RNF38: variants seen among roughly 807,000 people sequenced by gnomAD.
RNF38 encodes the protein ring finger protein 38.
A neutral mutation model predicts 67.2 loss-of-function variants in RNF38; 15 were observed. The ratio of observed to expected loss-of-function variants is 0.22; its 90% CI spans 0.15 to 0.34. RNF38 has a LOEUF of 0.34. Among genes scored for constraint, RNF38 ranks in the 10% least tolerant of loss-of-function variants. The probability of loss-of-function intolerance (pLI) is 1.00; values close to 1 mark genes in which losing one functional copy is unlikely to be tolerated. For synonymous variants in RNF38, 220 were observed against 218.8 expected (o/e 1.01, Z -0.05); for missense variants, 524 against 639.9 (o/e 0.82, Z 1.95).
rs189260598 is a variant in RNF38, at chr9:36,468,899, G to T, written n.241+18409C>A. ...GAGGCTGAGGCGGGTGGATCACAAGGTCAGGAGTTCAAGACCAGCCTGACC... is the reference window on the plus strand; with the variant it reads ...GAGGCTGAGGCGGGTGGATCACAAGTTCAGGAGTTCAAGACCAGCCTGACC... On this transcript the variant is annotated intron_variant and non_coding_transcript_variant, in intron 1 of 3. Transcript: ENST00000488058. Among the ~76,000 whole-genome samples, 12 of 151,712 alleles carry T rather than the reference G, an allele frequency of 7.9e-5. No homozygotes were observed. The East Asian group carries it at 1.4e-3, about 17-fold the overall frequency.
intron 7 of RNF38, 22 bp downstream of exon 7, chr9:36,353,148 A>G (rs964334033): frequency 1.2e-6 from 2 of 1,603,848 alleles, no homozygotes; most frequent in Non-Finnish European, 1.7e-6. Context: ...AGTAATTAAC[A>G]TAGTACTCTG....
At chr9:36,415,281 T>C (rs1190764948) in intron 2 of RNF38, among the ~76,000 whole-genome samples, 1 of 152,242 alleles carries the variant, frequency 6.6e-6, no homozygotes, top group Non-Finnish European at 1.5e-5. Context: ...AGCCTTATCT[T>C]TGAGCCCTCA....
intron 3 of RNF38, among the ~76,000 whole-genome samples, chr9:36,374,031 G>A (rs1461819797): frequency 6.6e-6 from 1 of 152,132 alleles, no homozygotes; most frequent in East Asian, 1.9e-4. Flanking sequence ...TCATAAAATA[G>A]GAAGACTACA....
At chr9:36,375,383 G>C (rs184992372) in intron 3 of RNF38, among the ~76,000 whole-genome samples, 2 of 152,052 alleles carry the variant, frequency 1.3e-5, no homozygotes, top group Non-Finnish European at 1.5e-5. Flanking sequence ...AGAGAGACAG[G>C]GTCTTGCTAT....
chr9:36,407,979 T>A (rs151321222), intron 2 of RNF38, among the ~76,000 whole-genome samples: 82 of 152,330 alleles, frequency 5.4e-4, no homozygotes, highest in South Asian at 1.0e-3. Context: ...TACATACATA[T>A]AGTTTGGCAA....
chr9:36,365,947 G>T (rs868449665), intron 4 of RNF38, among the ~76,000 whole-genome samples: 1 of 152,052 alleles, frequency 6.6e-6, no homozygotes, highest in Non-Finnish European at 1.5e-5. Context: ...TTACAGGCAC[G>T]AGCCACTGTG....
At chr9:36,439,636 C>T (rs1222782744) in intron 1 of RNF38, among the ~76,000 whole-genome samples, 4 of 151,850 alleles carry the variant, frequency 2.6e-5, no homozygotes, top group Non-Finnish European at 4.4e-5. Context: ...AAAACCCCGT[C>T]TCTACTAAAA....
chr9:36,342,124 T>C (rs1563991629), intron 11 of RNF38, among the ~76,000 whole-genome samples: 1 of 152,118 alleles, frequency 6.6e-6, no homozygotes, highest in Non-Finnish European at 1.5e-5. Flanking sequence ...AGGTCATCCA[T>C]TTTGGATTTT....
chr9:36,482,048 C>CTTTT (rs767211095), intron 1 of RNF38, among the ~76,000 whole-genome samples: 16 of 119,304 alleles, frequency 1.3e-4, no homozygotes, highest in South Asian at 2.6e-4. Flanking sequence ...ATACTTTTGT[C>CTTTT]TTTTTTTTTT....
At chr9:36,408,065 A>T (rs907176053) in intron 2 of RNF38, among the ~76,000 whole-genome samples, 5 of 152,194 alleles carry the variant, frequency 3.3e-5, no homozygotes, top group Admixed American at 3.3e-4. Flanking sequence ...GAATTTTCTT[A>T]AAATTTCAAG....
chr9:36,353,278 T>C lies in RNF38; in HGVS notation c.963A>G (p.Val321=), dbSNP rs748497794. 6.2e-7 allele frequency: 1 copy of C among 1,613,096 alleles called. No homozygotes were observed. The highest frequency in any genetic ancestry group is 1.1e-5 in the South Asian group (1 of 90,996). The change falls in exon 7 of 12, where the codon GTA becomes GTG. Residue 321 remains valine (V), a synonymous_variant. Coordinates refer to ENST00000259605, the MANE Select transcript of RNF38 (RefSeq NM_022781.5). ...EVELLGEHLP[V]GGFTYPPSAH... is the part of the protein sequence containing the mutation. ...CTGATGGAGGGTAAGTAAAACCTCCTACTGGAAGATGTTCTCCTAAGAGTT... is the reference window on the plus strand; with the variant it reads ...CTGATGGAGGGTAAGTAAAACCTCCCACTGGAAGATGTTCTCCTAAGAGTT...
intron 1 of RNF38, among the ~76,000 whole-genome samples, chr9:36,464,242 T>C (rs955392765): frequency 2.6e-5 from 4 of 151,608 alleles, no homozygotes; most frequent in Non-Finnish European, 4.4e-5. Flanking sequence ...CTCTGCATTA[T>C]GTAGATGAAA....
At position 36,339,001 on chromosome 9, in the gene RNF38, A is replaced by C. The variant is rs1358217851; in HGVS notation, c.*751T>G. The C allele has an allele frequency of 2.0e-5, 3 of 152,614 alleles. No homozygotes were observed. Among genetic ancestry groups the C allele is most frequent in the African/African-American group, 7.2e-5 (3 of 41,442 alleles). 9.5% of individuals were successfully genotyped at this position (152,614 alleles called of 1,614,324 possible). ...TTTTTTCTTAAGTGACCCACTTAGG[A>C]CCACCAATAAAGAGAAGGTGACAGC... On this transcript the variant is annotated 3_prime_UTR_variant, in exon 12 of 12. Coordinates refer to ENST00000259605, the MANE Select transcript of RNF38 (RefSeq NM_022781.5).
intron 1 of RNF38, among the ~76,000 whole-genome samples, chr9:36,475,649 T>C (rs1005620029): frequency 4.0e-5 from 6 of 148,602 alleles, no homozygotes; most frequent in Non-Finnish European, 1.5e-5. Flanking sequence ...TGAGCCACCA[T>C]GACCGGCCTC....
intron 4 of RNF38, 129 bp downstream of exon 4, chr9:36,369,590 T>C: frequency 1.4e-6 from 1 of 696,392 alleles, no homozygotes; most frequent in Non-Finnish European, 2.4e-6. Flanking sequence ...TTAAAAGGAA[T>C]GAGGAACTTA....
intron 2 of RNF38, 59 bp downstream of exon 2, chr9:36,390,408 G>T (rs1836986677): frequency 1.4e-6 from 2 of 1,447,332 alleles, no homozygotes; most frequent in South Asian, 1.4e-5. Context: ...AGCCTTCCTA[G>T]AAACACTGTA....
At chr9:36,485,466 T>C (rs1840384383) in intron 1 of RNF38, among the ~76,000 whole-genome samples, 1 of 152,166 alleles carries the variant, frequency 6.6e-6, no homozygotes, top group South Asian at 2.1e-4. Flanking sequence ...ACCTTAATAA[T>C]CCTCGGTTTA....
At chr9:36,438,696 G>A (rs1327987849) in intron 1 of RNF38, among the ~76,000 whole-genome samples, 1 of 152,124 alleles carries the variant, frequency 6.6e-6, no homozygotes, top group Admixed American at 6.5e-5. Context: ...CTTATACAAA[G>A]CTAAAAAGGG....
chr9:36,370,410 T>A (rs1835288741), intron 3 of RNF38, among the ~76,000 whole-genome samples: 1 of 152,112 alleles, frequency 6.6e-6, no homozygotes, highest in South Asian at 2.1e-4. Context: ...ATGACACTTT[T>A]AAAAAATGAG....
Sources: allele counts gnomAD v4.1 joint callset (sites outside exome capture counted in the v4.1 genomes callset), GRCh38; gene constraint gnomAD v4.1.1; transcripts MANE v1.5; gene names NCBI Gene and HGNC (gene_info 2026-07-23, HGNC 2026-07-21).